The following RBPJ variants were observed in gnomAD, a reference collection of about 807,000 sequenced individuals.
RBPJ encodes the protein recombining binding protein suppressor of hairless.
RBPJ carries 9 observed loss-of-function variants against 67.8 expected under a neutral mutation model. The ratio of observed to expected loss-of-function variants is 0.13; its 90% CI spans 0.08 to 0.23. The LOEUF (loss-of-function observed/expected upper bound fraction) is 0.23. RBPJ is among the 10% of genes least tolerant of loss of function. The pLI, the probability that RBPJ is intolerant of heterozygous loss-of-function variation, is 1.00. For synonymous variants in RBPJ, 198 were observed against 203.3 expected, an observed-to-expected ratio of 0.97 and a Z score of 0.22; for missense variants, 305 against 595.6, an observed-to-expected ratio of 0.51 and a Z score of 5.08.
At chr4:26,315,784 C>A (rs899171737), upstream of RBPJ, among the ~76,000 whole-genome samples, 3 of 152,050 alleles carry the variant, frequency 2.0e-5, no homozygotes, top group African/African-American at 7.2e-5. Context: ...CGTTTATAGA[C>A]CTCCCCCCAG....
At chr4:26,161,977 C>T (rs1475842401), upstream of RBPJ, among the ~76,000 whole-genome samples, 1 of 152,174 alleles carries the variant, frequency 6.6e-6, no homozygotes, top group Non-Finnish European at 1.5e-5. Context: ...AAGATCTAGC[C>T]CCATCTGGGT....
intron 1 of RBPJ, among the ~76,000 whole-genome samples, chr4:26,194,205 G>T (rs1329583932): frequency 6.6e-6 from 1 of 152,186 alleles, no homozygotes; most frequent in Admixed American, 6.5e-5. Flanking sequence ...TGGCCTGTCA[G>T]CCCCTTTCTC....
intron 2 of RBPJ, among the ~76,000 whole-genome samples, chr4:26,401,037 C>T (rs1011839174): frequency 3.3e-5 from 5 of 152,216 alleles, no homozygotes; most frequent in African/African-American, 1.2e-4. Flanking sequence ...CAGTGGAAGT[C>T]CCATTTTCCC....
At chr4:26,317,914 G>A (rs1722709824), upstream of RBPJ, among the ~76,000 whole-genome samples, 2 of 152,082 alleles carry the variant, frequency 1.3e-5, no homozygotes, top group Admixed American at 1.3e-4. Flanking sequence ...CTCTCAGAAG[G>A]CCATGATTCC....
chr4:26,283,790 G>A (rs1422740259), intron 1 of RBPJ, among the ~76,000 whole-genome samples: 1 of 151,966 alleles, frequency 6.6e-6, no homozygotes, highest in Admixed American at 6.6e-5. Flanking sequence ...AGGACTACAG[G>A]CATGTGTCAC....
At chr4:26,129,398 A>G in the RBPJ span, among the ~76,000 whole-genome samples, 2 of 152,244 alleles carry the variant, frequency 1.3e-5, no homozygotes, top group Non-Finnish European at 2.9e-5. Flanking sequence ...CATCTATTTC[A>G]TATAGTGGAT....
the RBPJ span, among the ~76,000 whole-genome samples, chr4:26,133,309 T>G: frequency 6.6e-6 from 1 of 152,166 alleles, no homozygotes; most frequent in South Asian, 2.1e-4. Flanking sequence ...AGTGCAATGG[T>G]TCATGCCTGG....
intron 1 of RBPJ, among the ~76,000 whole-genome samples, chr4:26,233,259 A>C (rs1719348032): frequency 1.3e-5 from 2 of 152,216 alleles, no homozygotes; most frequent in South Asian, 4.1e-4. Context: ...AAAACTATAA[A>C]TGATTATCTC....
intron 4 of RBPJ, among the ~76,000 whole-genome samples, chr4:26,419,125 T>C (rs1734879014): frequency 1.3e-5 from 2 of 152,222 alleles, no homozygotes; most frequent in East Asian, 1.9e-4. Flanking sequence ...ACTACAGGCA[T>C]GCACCACCAT....
the RBPJ span, among the ~76,000 whole-genome samples, chr4:26,157,326 G>T: frequency 6.6e-6 from 1 of 152,022 alleles, no homozygotes. Context: ...CCAGCTAATT[G>T]GGATGCTGAA....
At chr4:26,137,839 AG>A in the RBPJ span, among the ~76,000 whole-genome samples, 1 of 152,172 alleles carries the variant, frequency 6.6e-6, no homozygotes, top group Non-Finnish European at 1.5e-5. Flanking sequence ...CCCTAGTCTC[AG>A]GAATGCATAT....
At chr4:26,173,177 C>T (rs10000798) in intron 1 of RBPJ, among the ~76,000 whole-genome samples, 37,903 of 151,858 alleles carry the variant, frequency 0.25, 5,891 homozygotes, top group African/African-American at 0.44. Context: ...GCTCTGTTGC[C>T]CAGGCTGGAG....
intron 1 of RBPJ, among the ~76,000 whole-genome samples, chr4:26,252,904 C>T (rs1720160488): frequency 6.6e-6 from 1 of 152,206 alleles, no homozygotes; most frequent in Admixed American, 6.5e-5. Context: ...AGGAACTAGG[C>T]TGGATTTGCT....
upstream of RBPJ, among the ~76,000 whole-genome samples, chr4:26,159,749 G>A (rs2109105264): frequency 6.6e-6 from 1 of 152,254 alleles, no homozygotes; most frequent in East Asian, 1.9e-4. Flanking sequence ...CTAAAGGAGG[G>A]TAGAACTTAT....
chr4:26,257,636 A>G (rs1443903839), intron 1 of RBPJ, among the ~76,000 whole-genome samples: 6 of 152,360 alleles, frequency 3.9e-5, no homozygotes, highest in Admixed American at 2.6e-4. Flanking sequence ...TCTCAAAAAA[A>G]GAGAAGTGGA....
chr4:26,136,317 C>G, the RBPJ span, among the ~76,000 whole-genome samples: 2 of 152,224 alleles, frequency 1.3e-5, no homozygotes, highest in Non-Finnish European at 2.9e-5. Flanking sequence ...CCCCAGCCCT[C>G]CTCTCCCATC....
upstream of RBPJ, chr4:26,319,729 C>A: frequency 5.1e-6 from 4 of 785,270 alleles, no homozygotes; most frequent in South Asian, 5.7e-5. Flanking sequence ...ATGCGCAGTG[C>A]CGCTCGCGCG....
At chr4:26,212,174 A>C (rs542156864) in intron 1 of RBPJ, among the ~76,000 whole-genome samples, 1 of 152,266 alleles carries the variant, frequency 6.6e-6, no homozygotes, top group Non-Finnish European at 1.5e-5. Flanking sequence ...CCTCCCCGCT[A>C]CAATGGAAAT....
chr4:26,346,852 C>T (rs1251907403), intron 1 of RBPJ, among the ~76,000 whole-genome samples: 1 of 151,906 alleles, frequency 6.6e-6, no homozygotes, highest in African/African-American at 2.4e-5. Flanking sequence ...ATTAGCTGGG[C>T]ATGGTGGCAT....
Sources: allele counts gnomAD v4.1 joint callset (sites outside exome capture counted in the v4.1 genomes callset), GRCh38; gene constraint gnomAD v4.1.1; transcripts MANE v1.5; gene names NCBI Gene and HGNC (gene_info 2026-07-23, HGNC 2026-07-21).